Variants in TPH2 observed in about 807,000 individuals in gnomAD.
The protein encoded by TPH2 is tryptophan hydroxylase 2, also known as tryptophan 5-hydroxylase 2.
TPH2 carries 27 observed loss-of-function variants against 59.1 expected under a neutral mutation model. The ratio of observed to expected loss-of-function variants is 0.46; its 90% CI spans 0.34 to 0.63. The LOEUF (loss-of-function observed/expected upper bound fraction) is 0.63. Ranked by LOEUF, TPH2 falls within the 30% of genes least tolerant of loss-of-function variation. The pLI is 0.01. For missense variants in TPH2, 523 were observed against 588.3 expected (o/e 0.89, Z 1.15); for synonymous variants, 220 against 210.5 (o/e 1.05, Z -0.39).
At chr12:71,947,401 G>T (rs1871226238) in intron 4 of TPH2, among the ~76,000 whole-genome samples, 1 of 151,216 alleles carries the variant, frequency 6.6e-6, no homozygotes. Flanking sequence ...AATTTCCTTT[G>T]ATTTCAATTG....
chr12:72,031,767 G>A lies in TPH2; in HGVS notation c.*72G>A, dbSNP rs374869325. On this transcript the variant is annotated 3_prime_UTR_variant, in exon 11 of 11. Coordinates refer to ENST00000333850, the MANE Select transcript of TPH2 (RefSeq NM_173353.4). ...AGCAGTTCAGTCAATGTCATATAACGCAAATAACCTTCTGTGTCATGGCTT... is the reference window on the plus strand; with the variant it reads ...AGCAGTTCAGTCAATGTCATATAACACAAATAACCTTCTGTGTCATGGCTT... 15 of 1,560,734 alleles carry A rather than the reference G, an allele frequency of 9.6e-6. No individual in the cohort carries two copies. The highest frequency in any genetic ancestry group is 4.1e-5 in the African/African-American group (3 of 73,756).
rs962725700 is a variant in TPH2 at position 72,031,841 on chromosome 12, T to A, written c.*146T>A. The A allele has an allele frequency of 5.6e-6, 5 of 888,908 alleles. No homozygotes were observed. The highest frequency in any genetic ancestry group is 9.2e-6 in the Non-Finnish European group (5 of 546,162). The allele number at this position is 888,908 out of a possible 1,614,324, so 55.1% of individuals were successfully genotyped here. A position where few individuals can be genotyped will look rare whatever the true frequency, so the allele number is the denominator to read the frequency against. On this transcript the variant is annotated 3_prime_UTR_variant, in exon 11 of 11. Coordinates refer to ENST00000333850, the MANE Select transcript of TPH2 (RefSeq NM_173353.4). ...ATATCTATACCATCTTGTAACTCAC[T>A]GTGTTAGTATATAAAGCACCATAAG...
At chr12:71,947,783 C>CA (rs1288603135) in intron 4 of TPH2, among the ~76,000 whole-genome samples, 1 of 152,066 alleles carries the variant, frequency 6.6e-6, no homozygotes, top group African/African-American at 2.4e-5. Context: ...ATCACCGCCA[C>CA]ACTAAGCTAA....
chr12:71,972,672 G>A lies in TPH2; in HGVS notation c.762G>A (p.Glu254=), dbSNP rs750470923. The change falls in exon 6 of 11, where the codon GAG becomes GAA. Residue 254 remains glutamate, a synonymous_variant. Transcript: ENST00000333850. ...PLLTKYCGYR[E]DNVPQLEDVS... ...TGACTAAATACTGTGGCTACAGAGA[G>A]GACAATGTGCCTCAACTCGAAGATG... The A allele has an allele frequency of 1.2e-6, 2 of 1,614,156 alleles. No individual in the cohort carries two copies.
chr12:71,966,569 G>A (rs1871824603), intron 5 of TPH2, among the ~76,000 whole-genome samples: 1 of 152,166 alleles, frequency 6.6e-6, no homozygotes, highest in South Asian at 2.1e-4. Flanking sequence ...AATAAGTGAG[G>A]CATCTCCTGC....
At chr12:71,942,568 T>C (rs1177003792) in intron 2 of TPH2, among the ~76,000 whole-genome samples, 1 of 152,190 alleles carries the variant, frequency 6.6e-6, no homozygotes, top group Non-Finnish European at 1.5e-5. Context: ...TGTGTTATCC[T>C]GGCTTGGCTA....
At chr12:71,942,467 CTGT>C (rs1337695486) in intron 2 of TPH2, among the ~76,000 whole-genome samples, 7 of 152,130 alleles carry the variant, frequency 4.6e-5, no homozygotes, top group Non-Finnish European at 1.0e-4. Context: ...TTGATGAGAG[CTGT>C]TAAGATAAGG....
At chr12:72,010,797 G>C (rs1193266872) in intron 8 of TPH2, among the ~76,000 whole-genome samples, 1 of 152,128 alleles carries the variant, frequency 6.6e-6, no homozygotes, top group East Asian at 1.9e-4. Flanking sequence ...ACTAGCATTC[G>C]AGAGCTGACC....
intron 7 of TPH2, among the ~76,000 whole-genome samples, chr12:71,986,539 T>G (rs1412268181): frequency 6.6e-6 from 1 of 152,158 alleles, no homozygotes; most frequent in African/African-American, 2.4e-5. Flanking sequence ...ACCAAAATTG[T>G]GTCTAACTGT....
intron 4 of TPH2, among the ~76,000 whole-genome samples, chr12:71,946,680 C>T (rs1466863087): frequency 6.6e-6 from 1 of 152,176 alleles, no homozygotes; most frequent in African/African-American, 2.4e-5. Context: ...GAAAAGTTGT[C>T]TAAGCACTTT....
In TPH2 at chr12:71,955,966, A is replaced by G. The variant is rs1002450818; in HGVS notation, c.608+6311A>G. On this transcript the variant is annotated intron_variant, in intron 5 of 10. Coordinates refer to ENST00000333850, the MANE Select transcript of TPH2 (RefSeq NM_173353.4). ...AGTTTCTGAGTATCAAGAATTAGGG[A>G]ACAGCCTAGCTGGAGGGTTCTAGAT... Among the ~76,000 whole-genome samples, 4 of 152,240 alleles carry G rather than the reference A, an allele frequency of 2.6e-5. No homozygotes were observed. The East Asian group carries it at 7.7e-4, about 29-fold the overall frequency.
At chr12:71,998,526 C>A (rs975104409) in intron 8 of TPH2, among the ~76,000 whole-genome samples, 3 of 151,966 alleles carry the variant, frequency 2.0e-5, no homozygotes, top group Non-Finnish European at 4.4e-5. Context: ...AGATTCCAAC[C>A]AGCCAATTTC....
chr12:71,947,081 T>G (rs1318801388), intron 4 of TPH2, among the ~76,000 whole-genome samples: 1 of 152,160 alleles, frequency 6.6e-6, no homozygotes, highest in Non-Finnish European at 1.5e-5. Context: ...AGTCAGAACT[T>G]TCAGGGATGG....
intron 5 of TPH2, among the ~76,000 whole-genome samples, chr12:71,971,718 A>G (rs1355939319): frequency 2.0e-5 from 3 of 152,188 alleles, no homozygotes; most frequent in African/African-American, 7.2e-5. Flanking sequence ...AATATTCTAA[A>G]CCAGTCACTA....
chr12:72,021,092 T>A (rs1873400460), intron 8 of TPH2, among the ~76,000 whole-genome samples: 1 of 152,190 alleles, frequency 6.6e-6, no homozygotes, highest in African/African-American at 2.4e-5. Context: ...TGCTCTATCA[T>A]CATTAATGCA....
chr12:72,006,326 G>A (rs1437395979), intron 8 of TPH2, among the ~76,000 whole-genome samples: 1 of 152,120 alleles, frequency 6.6e-6, no homozygotes, highest in Non-Finnish European at 1.5e-5. Flanking sequence ...GTAGGGGAGA[G>A]AGATTGGGTT....
intron 8 of TPH2, among the ~76,000 whole-genome samples, chr12:71,995,530 G>C (rs1291359250): frequency 6.6e-6 from 1 of 152,142 alleles, no homozygotes; most frequent in Non-Finnish European, 1.5e-5. Context: ...AGATCTTTCA[G>C]TACATCTTTT....
intron 9 of TPH2, among the ~76,000 whole-genome samples, chr12:72,030,571 G>T (rs563820427): frequency 1.3e-5 from 2 of 152,216 alleles, no homozygotes; most frequent in African/African-American, 2.4e-5. Flanking sequence ...GAGTAATTAC[G>T]CCAGCTTTCC....
At chr12:72,012,150 G>A (rs182938740) in intron 8 of TPH2, among the ~76,000 whole-genome samples, 2 of 151,038 alleles carry the variant, frequency 1.3e-5, no homozygotes, top group East Asian at 3.9e-4. Context: ...CGCATGTCAG[G>A]CAGGATGATA....
Sources: allele counts gnomAD v4.1 joint callset (sites outside exome capture counted in the v4.1 genomes callset), GRCh38; gene constraint gnomAD v4.1.1; transcripts MANE v1.5; gene names NCBI Gene and HGNC (gene_info 2026-07-23, HGNC 2026-07-21).